PLEKHG1: variants seen among roughly 807,000 people sequenced by gnomAD.
PLEKHG1 encodes the protein pleckstrin homology domain-containing family G member 1.
A neutral mutation model predicts 100.8 loss-of-function variants in PLEKHG1; 44 were observed. That is an observed-to-expected ratio of 0.44 (90% CI 0.34 to 0.56). PLEKHG1 has a LOEUF of 0.56. Among genes scored for constraint, PLEKHG1 ranks in the 20% least tolerant of loss-of-function variants. The pLI is 0.01. For missense variants in PLEKHG1, 1,545 were observed against 1,720.9 expected (o/e 0.90, Z 1.81); for synonymous variants, 640 against 662.5 (o/e 0.97, Z 0.52).
intron 3 of PLEKHG1, among the ~76,000 whole-genome samples, chr6:150,702,131 T>A (rs993055237): frequency 1.3e-5 from 2 of 152,220 alleles, no homozygotes; most frequent in African/African-American, 4.8e-5. Flanking sequence ...GACATGAACA[T>A]CTTTTGCCAC....
At chr6:150,795,251 G>A (rs892924120) in intron 4 of PLEKHG1, among the ~76,000 whole-genome samples, 3 of 151,976 alleles carry the variant, frequency 2.0e-5, no homozygotes, top group Admixed American at 6.6e-5. Context: ...CTAGCTGGGC[G>A]CGGTGACGCA....
At chr6:150,788,887 A>C (rs763986294) in intron 4 of PLEKHG1, among the ~76,000 whole-genome samples, 3 of 152,222 alleles carry the variant, frequency 2.0e-5, no homozygotes, top group Non-Finnish European at 4.4e-5. Flanking sequence ...ACACACACAC[A>C]CATGCACACA....
intron 3 of PLEKHG1, among the ~76,000 whole-genome samples, chr6:150,710,003 G>A (rs963756486): frequency 6.6e-6 from 1 of 152,066 alleles, no homozygotes; most frequent in Non-Finnish European, 1.5e-5. Context: ...GCCCAGGCTG[G>A]TGGGGATGGT....
chr6:150,671,454 T>C (rs1779578364), intron 3 of PLEKHG1, among the ~76,000 whole-genome samples: 5 of 152,148 alleles, frequency 3.3e-5, no homozygotes, highest in Non-Finnish European at 7.4e-5. Context: ...GACAGAGCCA[T>C]TATGGGTAAG....
chr6:150,643,824 A>G (rs1778370896), intron 2 of PLEKHG1, among the ~76,000 whole-genome samples: 1 of 152,182 alleles, frequency 6.6e-6, no homozygotes, highest in Admixed American at 6.5e-5. Flanking sequence ...AATAGCTACT[A>G]AAAGATTTGT....
chr6:150,805,171 G>A (rs1786991866), intron 7 of PLEKHG1, among the ~76,000 whole-genome samples: 1 of 152,152 alleles, frequency 6.6e-6, no homozygotes, highest in Non-Finnish European at 1.5e-5. Context: ...CCGACCTCAG[G>A]TGATCCGCCT....
Position 150,747,614 on chromosome 6 carries a change from C to T in PLEKHG1, c.411+13522C>T, listed in dbSNP as rs957306780. On this transcript the variant is annotated intron_variant, in intron 2 of 15. Transcript: ENST00000358517. ...ATCAGAATTAACAACAACTTTTGGC[C>T]GGGCGTGGTGGCTCACACCTCTGTA... 4.0e-5 allele frequency among the ~76,000 whole-genome samples: 6 copies of T among 150,650 alleles called. No individual in the cohort carries two copies. In the East Asian group the frequency reaches 9.8e-4, roughly 25 times the overall value.
intron 3 of PLEKHG1, among the ~76,000 whole-genome samples, chr6:150,659,216 T>C (rs1288223883): frequency 3.3e-5 from 5 of 152,210 alleles, no homozygotes; most frequent in Non-Finnish European, 7.3e-5. Context: ...CTCAAAGTGC[T>C]GAGTTAATTA....
At chr6:150,710,876 C>G (rs556806797) in intron 3 of PLEKHG1, among the ~76,000 whole-genome samples, 96 of 152,232 alleles carry the variant, frequency 6.3e-4, no homozygotes, top group Non-Finnish European at 1.2e-3. Flanking sequence ...TCCCAGACCA[C>G]CCCAAACTAG....
At chr6:150,834,300 G>A (rs1414993707) in intron 15 of PLEKHG1, among the ~76,000 whole-genome samples, 1 of 152,184 alleles carries the variant, frequency 6.6e-6, no homozygotes, top group Admixed American at 6.5e-5. Context: ...CCCGCTGCAG[G>A]AGGACAATTT....
chr6:150,605,907 C>T (rs190795500), intron 1 of PLEKHG1: 1 of 152,298 alleles, frequency 6.6e-6, no homozygotes, highest in African/African-American at 2.4e-5. Context: ...GAAGTGTGTT[C>T]ATTGTATTTG....
At chr6:150,697,452 G>A (rs560486508) in intron 3 of PLEKHG1, among the ~76,000 whole-genome samples, 2 of 152,188 alleles carry the variant, frequency 1.3e-5, no homozygotes, top group African/African-American at 2.4e-5. Flanking sequence ...AACCCTGAGT[G>A]GGGGAGATTT....
At chr6:150,820,742 G>A (rs1262492992) in intron 12 of PLEKHG1, among the ~76,000 whole-genome samples, 1 of 151,864 alleles carries the variant, frequency 6.6e-6, no homozygotes, top group Non-Finnish European at 1.5e-5. Flanking sequence ...GCAGATACCT[G>A]TAATCCCAGC....
chr6:150,826,449 C>G (rs1280169826), intron 14 of PLEKHG1, among the ~76,000 whole-genome samples: 6 of 152,114 alleles, frequency 3.9e-5, no homozygotes, highest in Non-Finnish European at 8.8e-5. Context: ...CAGGGTGAGA[C>G]TCTGTCTCAA....
chr6:150,731,118 A>C (rs887113687), intron 1 of PLEKHG1, among the ~76,000 whole-genome samples: 1 of 152,152 alleles, frequency 6.6e-6, no homozygotes, highest in African/African-American at 2.4e-5. Context: ...TCTCAACACC[A>C]GTCCCAAACG....
At chr6:150,827,276 T>G (rs1043507239) in intron 14 of PLEKHG1, among the ~76,000 whole-genome samples, 2 of 150,838 alleles carry the variant, frequency 1.3e-5, no homozygotes, top group African/African-American at 4.9e-5. Flanking sequence ...AAAACTGCTT[T>G]CTTTTTTTTT....
chr6:150,743,387 G>A (rs1367852830), intron 2 of PLEKHG1, among the ~76,000 whole-genome samples: 6 of 152,120 alleles, frequency 3.9e-5, no homozygotes, highest in Admixed American at 1.3e-4. Context: ...TTAGCCGGAA[G>A]TGGTGGTGCA....
rs564295290 is a variant in PLEKHG1, at chr6:150,815,401, C to A, written c.1279-2782C>A. On this transcript the variant is annotated intron_variant, in intron 10 of 15. Transcript: ENST00000358517. ...ATTCTTGAAGTCAGCTTTACAGATA[C>A]CAGGGAACTTCTTGGAAATAGCCAT... is the stretch of plus-strand genomic sequence containing the variant. 3.3e-5 allele frequency among the ~76,000 whole-genome samples: 5 copies of A among 152,232 alleles called. No homozygotes were observed. In the East Asian group the frequency reaches 7.7e-4, roughly 23 times the overall value.
intron 3 of PLEKHG1, 131 bp downstream of exon 4, chr6:150,768,869 G>GA: frequency 1.6e-6 from 1 of 635,390 alleles, no homozygotes. Flanking sequence ...GTTGTGCCAA[G>GA]AAGCTTTCTG....
Sources: allele counts gnomAD v4.1 joint callset (sites outside exome capture counted in the v4.1 genomes callset), GRCh38; gene constraint gnomAD v4.1.1; transcripts MANE v1.5; gene names NCBI Gene and HGNC (gene_info 2026-07-23, HGNC 2026-07-21).